FAM193A: variants seen among roughly 807,000 people sequenced by gnomAD.
FAM193A encodes family with sequence similarity 193 member A.
A neutral mutation model predicts 126.5 loss-of-function variants in FAM193A; 22 were observed. The observed-to-expected ratio is 0.17, with a 90% CI of 0.12 to 0.25. FAM193A has a LOEUF of 0.25. Among genes scored for constraint, FAM193A ranks in the 10% least tolerant of loss-of-function variants. The pLI, the probability that FAM193A is intolerant of heterozygous loss-of-function variation, is 1.00. For missense variants in FAM193A, 1,675 were observed against 1,672.8 expected, an observed-to-expected ratio of 1.00 and a Z score of -0.02; for synonymous variants, 761 against 646.8, an observed-to-expected ratio of 1.18 and a Z score of -2.68.
intron 2 of FAM193A, among the ~76,000 whole-genome samples, chr4:2,604,860 C>T (rs751962619): frequency 1.4e-4 from 18 of 131,892 alleles, no homozygotes; most frequent in Admixed American, 8.1e-4. Flanking sequence ...TGCAGTGGTG[C>T]GAAAACAGCT....
At chr4:2,556,975 A>G (rs1738296053) in intron 1 of FAM193A, among the ~76,000 whole-genome samples, 3 of 152,188 alleles carry the variant, frequency 2.0e-5, no homozygotes, top group Non-Finnish European at 2.9e-5. Context: ...TCACCAAGAT[A>G]GTACACTGGT....
At chr4:2,696,700 T>A in intron 18 of FAM193A, 107 bp downstream of exon 18, 1 of 783,210 alleles carries the variant, frequency 1.3e-6, no homozygotes, top group Non-Finnish European at 2.1e-6. Context: ...GTCGGGGCTC[T>A]GACGTGTGTT....
chr4:2,724,293 C>G (rs1301201752), intron 20 of FAM193A, among the ~76,000 whole-genome samples: 4 of 151,576 alleles, frequency 2.6e-5, no homozygotes, highest in Non-Finnish European at 5.9e-5. Flanking sequence ...TTTTCTTTTC[C>G]ATCTGTTTTT....
At chr4:2,670,140 C>G (rs1467431146) in intron 12 of FAM193A, among the ~76,000 whole-genome samples, 1 of 152,200 alleles carries the variant, frequency 6.6e-6, no homozygotes, top group Non-Finnish European at 1.5e-5. Flanking sequence ...CATCTCTTCT[C>G]TCTCTTCCTA....
In FAM193A at chr4:2,631,090, A is replaced by T; in HGVS notation, c.959A>T (p.Gln320Leu). ...SGLQGPPQAH[Q>L]FISLLLEEYG... ...CTGCAGGGCCCGCCGCAAGCGCACC[A>T]GTTCATCTCCCTCCTGCTTGAGGAG... is the stretch of plus-strand genomic sequence containing the variant. Residue 320 changes from glutamine to leucine, a missense_variant, in exon 5 of 21, where the codon CAG (glutamine) becomes CTG (leucine). Gln to Leu is a moderately radical substitution (Grantham distance 113). Coordinates refer to ENST00000637812, the MANE Select transcript of FAM193A (RefSeq NM_001366318.2). 6.2e-7 allele frequency: 1 copy of T among 1,613,924 alleles called. No individual in the cohort carries two copies. Among genetic ancestry groups the T allele is most frequent in the Non-Finnish European group, 8.5e-7 (1 of 1,180,004 alleles).
intron 2 of FAM193A, among the ~76,000 whole-genome samples, chr4:2,618,298 C>A (rs1420951950): frequency 6.6e-6 from 1 of 152,132 alleles, no homozygotes; most frequent in Non-Finnish European, 1.5e-5. Flanking sequence ...ATAGTTTCCT[C>A]AAATTTAGAA....
intron 4 of FAM193A, among the ~76,000 whole-genome samples, chr4:2,627,989 G>A (rs1295896609): frequency 3.9e-5 from 6 of 152,112 alleles, no homozygotes; most frequent in Non-Finnish European, 1.5e-5. Flanking sequence ...TGATCTGCCC[G>A]CCTCGGCCTC....
chr4:2,599,216 G>GT lies in FAM193A; in HGVS notation c.501+2899dup, dbSNP rs200824190. On this transcript the variant is annotated intron_variant, in intron 2 of 20. Transcript: ENST00000637812. ...TTCAGAATTTGTTTAAAGTTAAACT[G>GT]TTTTTTTTTTTTCTAACCACTTTTA... Among the ~76,000 whole-genome samples, 194 of 145,704 alleles carry GT rather than the reference G, an allele frequency of 1.3e-3. 1 individual carries two copies. The highest frequency in any genetic ancestry group is 2.9e-3 in the Admixed American group (43 of 14,600).
intron 10 of FAM193A, among the ~76,000 whole-genome samples, chr4:2,660,437 G>A (rs543220862): frequency 2.0e-5 from 3 of 152,268 alleles, no homozygotes; most frequent in South Asian, 2.1e-4. Context: ...TCAGGTGATC[G>A]CTTTAGCAAG....
chr4:2,588,299 C>G (rs542715418), intron 1 of FAM193A, among the ~76,000 whole-genome samples: 2 of 152,334 alleles, frequency 1.3e-5, no homozygotes, highest in Admixed American at 1.3e-4. Flanking sequence ...TGCCTCTTTA[C>G]CTTAAGTCGT....
chr4:2,671,249 C>T (rs746718476), intron 12 of FAM193A, among the ~76,000 whole-genome samples: 1 of 152,236 alleles, frequency 6.6e-6, no homozygotes, highest in Non-Finnish European at 1.5e-5. Context: ...CCGTGGCGCT[C>T]TCATTTCCAG....
chr4:2,668,371 G>A (rs959241411), intron 12 of FAM193A, among the ~76,000 whole-genome samples: 1 of 151,860 alleles, frequency 6.6e-6, no homozygotes, highest in Admixed American at 6.6e-5. Context: ...GCACCACCAC[G>A]CCCATCTAAT....
chr4:2,639,061 A>G (rs1744359693), intron 5 of FAM193A, among the ~76,000 whole-genome samples: 1 of 152,252 alleles, frequency 6.6e-6, no homozygotes, highest in Non-Finnish European at 1.5e-5. Context: ...AGCAAGACTT[A>G]TTAAATGTGA....
chr4:2,655,039 T>C, intron 7 of FAM193A: 1 of 663,564 alleles, frequency 1.5e-6, no homozygotes, highest in South Asian at 1.6e-5. Context: ...ATTTGTCCCC[T>C]TTTTTTGGCT....
intron 19 of FAM193A, chr4:2,708,072 A>G (rs1718509609): frequency 2.5e-6 from 1 of 404,988 alleles, no homozygotes; most frequent in South Asian, 1.8e-5. Context: ...TCTATTGGAT[A>G]GTGCTGCCCT....
At chr4:2,700,583 C>G (rs1243678412) in intron 19 of FAM193A, 39 bp downstream of exon 19, 6 of 1,576,786 alleles carry the variant, frequency 3.8e-6, no homozygotes. Flanking sequence ...CTGAGCGATG[C>G]CTGGTTTTCC....
At chr4:2,535,851 C>T (rs993278546), upstream of FAM193A, among the ~76,000 whole-genome samples, 3 of 152,048 alleles carry the variant, frequency 2.0e-5, no homozygotes, top group Non-Finnish European at 4.4e-5. Context: ...ACCCTTTAGG[C>T]GAGGGGTTCT....
chr4:2,670,077 T>C (rs1261206268), intron 12 of FAM193A, among the ~76,000 whole-genome samples: 1 of 152,202 alleles, frequency 6.6e-6, no homozygotes, highest in Non-Finnish European at 1.5e-5. Flanking sequence ...CTGCACATGC[T>C]GGAGTGCTGG....
intron 1 of FAM193A, among the ~76,000 whole-genome samples, chr4:2,557,359 T>C (rs1476443202): frequency 2.6e-5 from 4 of 152,122 alleles, no homozygotes; most frequent in Non-Finnish European, 5.9e-5. Context: ...TTCAGCCAGC[T>C]CTCCCTAATA....
Sources: gnomAD v4.1 joint callset for allele counts (sites outside exome capture counted in the v4.1 genomes callset) on GRCh38, gnomAD v4.1.1 for gene constraint, MANE v1.5 for transcripts, NCBI Gene and HGNC (gene_info 2026-07-23, HGNC 2026-07-21) for gene names.